Variants in DCDC1 observed in about 807,000 individuals in gnomAD.
DCDC1 encodes the protein doublecortin domain containing 1, also known as doublecortin domain-containing protein 1.
In DCDC1, 200 loss-of-function variants were observed where a neutral mutation model predicts 178.3. That is an observed-to-expected ratio of 1.12 (90% CI 1.00 to 1.26). DCDC1 has a LOEUF of 1.26. Among genes scored for constraint, DCDC1 ranks in the 50% most tolerant of loss-of-function variants. DCDC1 has a pLI of 0.00. For missense variants in DCDC1, 1,983 were observed against 1,749.2 expected (o/e 1.13, Z -2.38); for synonymous variants, 690 against 604.8 (o/e 1.14, Z -2.07).
intron 9 of DCDC1, among the ~76,000 whole-genome samples, chr11:31,176,725 C>A (rs1968079425): frequency 6.6e-6 from 1 of 152,024 alleles, no homozygotes; most frequent in Non-Finnish European, 1.5e-5. Flanking sequence ...ATCTTTCAGG[C>A]CAGGAGAGAA....
intron 20 of DCDC1, among the ~76,000 whole-genome samples, chr11:30,957,502 C>A (rs1948836404): frequency 6.6e-6 from 1 of 152,144 alleles, no homozygotes; most frequent in South Asian, 2.1e-4. Context: ...GTATTTCCTC[C>A]TTCTGACCTG....
intron 5 of DCDC1, among the ~76,000 whole-genome samples, chr11:31,305,987 ATC>A (rs1948430356): frequency 6.6e-6 from 1 of 152,114 alleles, no homozygotes; most frequent in African/African-American, 2.4e-5. Flanking sequence ...CATTTAAATG[ATC>A]TGTCATTTTA....
Position 31,127,483 on chromosome 11 carries a change from C to T in DCDC1, c.1471G>A (p.Gly491Ser), listed in dbSNP as rs749229308. ...ACGACACCCACCTTAAGCTGCAGGC[C>T]TCCTGGGACAAGCGTGTTTGCTGGA... The part of the protein sequence containing the change: ...SLPANTLVPG[G>S]LQLKVFENGK... The change falls in exon 11 of 39, where the codon GGC (glycine) becomes AGC (serine). Residue 491 changes from glycine to serine, a missense_variant. By Grantham distance (56) the Gly-to-Ser change is moderately conservative. Transcript: ENST00000684477. 21 of 702,280 alleles carry T rather than the reference C, an allele frequency of 3.0e-5. No homozygotes were observed. Among genetic ancestry groups the T allele is most frequent in the Non-Finnish European group, 1.0e-5 (4 of 384,598 alleles). The allele number at this position is 702,280 out of a possible 1,614,324, so 43.5% of individuals were successfully genotyped here. A position where few individuals can be genotyped will look rare whatever the true frequency, so the allele number is the denominator to read the frequency against.
intron 9 of DCDC1, chr11:31,215,389 T>C (rs1423792267): frequency 6.6e-6 from 1 of 150,514 alleles, no homozygotes; most frequent in African/African-American, 2.5e-5. Flanking sequence ...ACATGCATGA[T>C]ATAGGTGTTT....
At chr11:31,222,196 G>T (rs756780667) in intron 9 of DCDC1, among the ~76,000 whole-genome samples, 1 of 152,000 alleles carries the variant, frequency 6.6e-6, no homozygotes, top group African/African-American at 2.4e-5. Context: ...CTAAGTAGCT[G>T]GGATTACAGG....
At chr11:30,929,093 T>C (rs1292583885) in intron 22 of DCDC1, among the ~76,000 whole-genome samples, 1 of 152,110 alleles carries the variant, frequency 6.6e-6, no homozygotes, top group African/African-American at 2.4e-5. Flanking sequence ...TGTTCTTTCA[T>C]TACAAATGGT....
chr11:31,071,501 C>G (rs1334013397), intron 18 of DCDC1, among the ~76,000 whole-genome samples: 1 of 152,060 alleles, frequency 6.6e-6, no homozygotes. Flanking sequence ...TTGATGGTCC[C>G]CAAAGTTCCC....
chr11:31,000,560 T>C (rs192998292), intron 20 of DCDC1, among the ~76,000 whole-genome samples: 14 of 152,246 alleles, frequency 9.2e-5, no homozygotes, highest in Admixed American at 3.3e-4. Flanking sequence ...TCCTTATGGA[T>C]TGCAAGTCTC....
chr11:31,004,474 C>G lies in DCDC1; in HGVS notation c.2592-51906G>C, dbSNP rs1337008193. 4.0e-5 allele frequency among the ~76,000 whole-genome samples: 6 copies of G among 150,734 alleles called. No homozygotes were observed. In the East Asian group the frequency reaches 1.2e-3, roughly 30 times the overall value. On this transcript the variant is annotated intron_variant, in intron 20 of 38. Coordinates refer to ENST00000684477, the MANE Select transcript of DCDC1 (RefSeq NM_001387274.1). ...GGATCATGAGGTCAGGAGATCGAGACCATCCTGGCTAACATGGTGAAACCC... is the reference window on the plus strand; with the variant it reads ...GGATCATGAGGTCAGGAGATCGAGAGCATCCTGGCTAACATGGTGAAACCC...
chr11:31,082,954 G>A (rs1270175554), intron 17 of DCDC1, among the ~76,000 whole-genome samples: 1 of 152,172 alleles, frequency 6.6e-6, no homozygotes, highest in Non-Finnish European at 1.5e-5. Flanking sequence ...TCCACATAGT[G>A]TGAAATTACA....
chr11:30,911,334 A>G lies in DCDC1; in HGVS notation c.3740T>C (p.Ile1247Thr), dbSNP rs554454121. ...TAGCCATACATATCTTACCTGAACA[A>G]TAACTGGATAGCCACAAACTTCATT... Reference protein sequence around the residue: ...TRNEVCGYPVIVQKYKPYNNG... With the variant: ...TRNEVCGYPVTVQKYKPYNNG... The change falls in exon 28 of 39, where the codon ATT becomes ACT. Residue 1247 changes from isoleucine to threonine, a missense_variant. Transcript: ENST00000684477. The G allele has an allele frequency of 1.9e-5, 30 of 1,601,484 alleles. No homozygotes were observed. In the African/African-American group the frequency reaches 3.5e-4, roughly 19 times the overall value.
rs35180579 is a variant in DCDC1 at position 30,868,242 on chromosome 11, C to CTTTTTTTTT, written c.*41-2919_*41-2911dup. On this transcript the variant is annotated intron_variant, in intron 38 of 38. Coordinates refer to ENST00000684477, the MANE Select transcript of DCDC1 (RefSeq NM_001387274.1). ...GTGCATCCATGCTCTTTCATACCTG[C>CTTTTTTTTT]TTTTTTTTTTTTTTTTTTTTTTTTT... is the stretch of plus-strand genomic sequence containing the variant. Among the ~76,000 whole-genome samples the CTTTTTTTTT allele has an allele frequency of 3.3e-5, 2 of 61,042 alleles. 1 individual carries two copies. Among genetic ancestry groups the CTTTTTTTTT allele is most frequent in the African/African-American group, 1.5e-4 (2 of 13,014 alleles). The allele number at this position is 61,042 out of a possible 152,430, so 40.0% of individuals were successfully genotyped here.
chr11:30,921,377 CTAT>C (rs1946239277), intron 24 of DCDC1, among the ~76,000 whole-genome samples: 1 of 151,952 alleles, frequency 6.6e-6, no homozygotes, highest in Admixed American at 6.6e-5. Flanking sequence ...TTTCTTTTCT[CTAT>C]ATGGACTTTT....
chr11:31,310,082 G>GAGATTAT (rs1948678867), intron 3 of DCDC1, among the ~76,000 whole-genome samples: 9 of 152,178 alleles, frequency 5.9e-5, no homozygotes, highest in Admixed American at 5.2e-4. Flanking sequence ...GTTAGGACAA[G>GAGATTAT]AGATTATAGA....
chr11:30,945,459 C>T (rs561040076), intron 21 of DCDC1, among the ~76,000 whole-genome samples: 2 of 151,698 alleles, frequency 1.3e-5, no homozygotes, highest in Non-Finnish European at 2.9e-5. Flanking sequence ...TTTGGGAAGC[C>T]GAGGTGGGTG....
chr11:31,238,686 T>C (rs1215974280), intron 9 of DCDC1, among the ~76,000 whole-genome samples: 1 of 152,126 alleles, frequency 6.6e-6, no homozygotes, highest in Non-Finnish European at 1.5e-5. Flanking sequence ...CTACATTTCA[T>C]AGGAATGCGT....
In DCDC1 at chr11:31,362,151, T is replaced by C. The variant is rs946005829; in HGVS notation, c.-125+7546A>G. Reference sequence around the variant, plus strand: ...ATATGTAATATATAAATCAACAAAATTCACAGATTTTTAAGATTCTAAATT... The same window carrying C: ...ATATGTAATATATAAATCAACAAAACTCACAGATTTTTAAGATTCTAAATT... On this transcript the variant is annotated intron_variant, in intron 1 of 38. Coordinates refer to ENST00000684477, the MANE Select transcript of DCDC1 (RefSeq NM_001387274.1). 2.6e-5 allele frequency among the ~76,000 whole-genome samples: 4 copies of C among 152,242 alleles called. No homozygotes were observed. The South Asian group carries it at 8.3e-4, about 32-fold the overall frequency.
chr11:30,914,273 A>G (rs1156525936), intron 27 of DCDC1, among the ~76,000 whole-genome samples: 3 of 152,250 alleles, frequency 2.0e-5, no homozygotes, highest in Admixed American at 6.5e-5. Context: ...CAGCCCAGCG[A>G]GTTCTCCTTG....
intron 21 of DCDC1, among the ~76,000 whole-genome samples, chr11:30,946,681 G>T (rs958413908): frequency 6.6e-6 from 1 of 152,144 alleles, no homozygotes; most frequent in Non-Finnish European, 1.5e-5. Flanking sequence ...ACTTGGTTGA[G>T]ACCAGAAAAT....
Sources: allele counts gnomAD v4.1 joint callset (sites outside exome capture counted in the v4.1 genomes callset), GRCh38; gene constraint gnomAD v4.1.1; transcripts MANE v1.5; gene names NCBI Gene and HGNC (gene_info 2026-07-23, HGNC 2026-07-21).